The following DPP10 variants were observed in gnomAD, a reference collection of about 807,000 sequenced individuals.
DPP10 encodes dipeptidyl peptidase like 10.
Under a neutral mutation model 120.9 loss-of-function variants are expected in DPP10, and 33 were observed. That is an observed-to-expected ratio of 0.27 (90% CI 0.21 to 0.37). The LOEUF (loss-of-function observed/expected upper bound fraction) is 0.37. Ranked by LOEUF, DPP10 falls within the 10% of genes least tolerant of loss-of-function variation. The pLI is 1.00. For missense variants in DPP10, 816 were observed against 942.8 expected, an observed-to-expected ratio of 0.87 and a Z score of 1.76; for synonymous variants, 337 against 326.1, an observed-to-expected ratio of 1.03 and a Z score of -0.36.
intron 1 of DPP10, among the ~76,000 whole-genome samples, chr2:114,493,838 A>T (rs1682224838): frequency 1.3e-5 from 2 of 152,158 alleles, no homozygotes; most frequent in African/African-American, 4.8e-5. Flanking sequence ...GAACGATGGT[A>T]AAATCGATGT....
intron 1 of DPP10, among the ~76,000 whole-genome samples, chr2:114,460,070 C>T (rs1364304068): frequency 6.6e-6 from 1 of 152,034 alleles, no homozygotes; most frequent in South Asian, 2.1e-4. Context: ...AGATTATAAC[C>T]AGCAATACGC....
intron 1 of DPP10, among the ~76,000 whole-genome samples, chr2:114,756,950 G>T (rs1175457896): frequency 6.6e-6 from 1 of 152,040 alleles, no homozygotes; most frequent in Non-Finnish European, 1.5e-5. Context: ...TACATATGAG[G>T]TTACACAGTC....
chr2:114,517,842 C>T (rs1447050969), intron 1 of DPP10, among the ~76,000 whole-genome samples: 1 of 152,074 alleles, frequency 6.6e-6, no homozygotes, highest in African/African-American at 2.4e-5. Flanking sequence ...ATGGTGAGTG[C>T]CAAGATGAAT....
intron 1 of DPP10, among the ~76,000 whole-genome samples, chr2:114,734,684 C>T (rs76833947): frequency 0.011 from 1,733 of 152,246 alleles, 39 homozygotes; most frequent in African/African-American, 0.039. Context: ...GAGTTTGACT[C>T]TTTTTGTCGG....
At chr2:114,797,624 T>A (rs1683827169) in intron 1 of DPP10, among the ~76,000 whole-genome samples, 1 of 152,180 alleles carries the variant, frequency 6.6e-6, no homozygotes, top group Non-Finnish European at 1.5e-5. Context: ...AATAACACAG[T>A]TCTAGATTAT....
chr2:114,676,270 C>T (rs1698666995), intron 1 of DPP10, among the ~76,000 whole-genome samples: 2 of 152,130 alleles, frequency 1.3e-5, no homozygotes, highest in African/African-American at 4.8e-5. Flanking sequence ...TAATCTTATT[C>T]TATGGACTAG....
chr2:114,570,564 G>A (rs558220269), intron 1 of DPP10, among the ~76,000 whole-genome samples: 7 of 152,132 alleles, frequency 4.6e-5, no homozygotes, highest in South Asian at 4.2e-4. Flanking sequence ...GGTGGCTCAC[G>A]CCTGTAATCC....
At chr2:115,420,826 T>TGGGGGAAAATATCGAATACCTAAGAACAC (rs1377352423) in intron 3 of DPP10, among the ~76,000 whole-genome samples, 33 of 152,104 alleles carry the variant, frequency 2.2e-4, no homozygotes, top group Non-Finnish European at 1.5e-5. Context: ...GAGTAGAAGA[T>TGGGGGAAAATATCGAATACCTAAGAACAC]GGGGGAAAAT....
chr2:115,433,145 AT>A (rs1187346167), intron 3 of DPP10, among the ~76,000 whole-genome samples: 2 of 151,946 alleles, frequency 1.3e-5, no homozygotes, highest in African/African-American at 4.8e-5. Context: ...CAGTCTGTGT[AT>A]TTTTTTTATT....
intron 5 of DPP10, chr2:115,579,790 G>T (rs766081799): frequency 6.6e-6 from 1 of 151,930 alleles, no homozygotes; most frequent in African/African-American, 2.4e-5. Context: ...TCCACATAAC[G>T]TATACACATT....
At chr2:115,295,637 T>C (rs2060852024) in intron 1 of DPP10, among the ~76,000 whole-genome samples, 1 of 152,104 alleles carries the variant, frequency 6.6e-6, no homozygotes, top group South Asian at 2.1e-4. Context: ...ACACTTTTAA[T>C]GGCAAAAGCA....
intron 1 of DPP10, among the ~76,000 whole-genome samples, chr2:114,532,619 G>T (rs535132977): frequency 3.9e-5 from 6 of 152,030 alleles, no homozygotes; most frequent in Admixed American, 2.6e-4. Context: ...TTACTTCATT[G>T]CTTATACTTA....
intron 4 of DPP10, among the ~76,000 whole-genome samples, chr2:115,514,196 G>A (rs1208944557): frequency 6.6e-6 from 1 of 151,730 alleles, no homozygotes; most frequent in Non-Finnish European, 1.5e-5. Flanking sequence ...ATTTCTCTTT[G>A]TCTAAGTTTT....
At chr2:115,687,213 G>A (rs2149490162) in intron 5 of DPP10, among the ~76,000 whole-genome samples, 2 of 151,954 alleles carry the variant, frequency 1.3e-5, no homozygotes, top group South Asian at 2.1e-4. Context: ...CCAACACTAT[G>A]TCAAGAAAGA....
intron 3 of DPP10, among the ~76,000 whole-genome samples, chr2:115,380,681 T>C (rs1334206820): frequency 2.0e-5 from 3 of 152,226 alleles, no homozygotes; most frequent in South Asian, 2.1e-4. Context: ...GATTTTGCAG[T>C]GGCTGGTACC....
intron 5 of DPP10, among the ~76,000 whole-genome samples, chr2:115,628,867 C>A (rs1377957122): frequency 6.6e-6 from 1 of 151,584 alleles, no homozygotes; most frequent in African/African-American, 2.4e-5. Flanking sequence ...GCACAACGTG[C>A]AGGTTTGTTA....
intron 1 of DPP10, among the ~76,000 whole-genome samples, chr2:114,893,887 G>A (rs372406691): frequency 5.9e-5 from 9 of 151,972 alleles, no homozygotes; most frequent in Non-Finnish European, 8.8e-5. Context: ...GTGCAACTTC[G>A]CTAGAATTAA....
chr2:115,107,793 T>C (rs1006800499), intron 1 of DPP10, among the ~76,000 whole-genome samples: 5 of 152,154 alleles, frequency 3.3e-5, no homozygotes, highest in Non-Finnish European at 7.4e-5. Context: ...GAAAGACTTA[T>C]AGAACATTTT....
intron 4 of DPP10, among the ~76,000 whole-genome samples, chr2:115,502,771 C>T (rs2076749193): frequency 6.6e-6 from 1 of 152,128 alleles, no homozygotes; most frequent in African/African-American, 2.4e-5. Context: ...TAGCTCACTG[C>T]AGTCTTTAAA....
Sources: allele counts gnomAD v4.1 joint callset (sites outside exome capture counted in the v4.1 genomes callset), GRCh38; gene constraint gnomAD v4.1.1; transcripts MANE v1.5; gene names NCBI Gene and HGNC (gene_info 2026-07-23, HGNC 2026-07-21).